PET100: variants seen among roughly 807,000 people sequenced by gnomAD.
The protein encoded by PET100 is protein PET100 homolog, mitochondrial.
In PET100, 13 loss-of-function variants were observed where a neutral mutation model predicts 13.6. The observed-to-expected ratio is 0.96, with a 90% CI of 0.62 to 1.52. PET100 has a LOEUF of 1.52. Among genes scored for constraint, PET100 ranks in the 40% most tolerant of loss-of-function variants. The probability of loss-of-function intolerance (pLI) is 0.00; values close to 1 mark genes in which losing one functional copy is unlikely to be tolerated. For missense variants in PET100, 94 were observed against 95.3 expected (o/e 0.99, Z 0.06); for synonymous variants, 28 against 30.8 (o/e 0.91, Z 0.30).
intron 3 of PET100, 78 bp from the exon 4 acceptor site, chr19:7,631,395 T>TGGGGGGTTGGGGG: frequency 3.1e-6 from 1 of 318,042 alleles, no homozygotes; most frequent in Non-Finnish European, 5.1e-6. Flanking sequence ...GTGGGAGAGG[T>TGGGGGGTTGGGGG]GGGCGGGGGG....
At chr19:7,631,376 G>T in intron 3 of PET100, 97 bp from the exon 4 acceptor site, 1 of 1,405,748 alleles carries the variant, frequency 7.1e-7, no homozygotes, top group Non-Finnish European at 9.4e-7. Flanking sequence ...CGTGGTCTGG[G>T]GCAGGGTGGT....
At position 7,631,472 on chromosome 19, in the gene PET100, G is replaced by C; in HGVS notation, c.139-1G>C. 1 of 1,535,376 alleles carries C rather than the reference G, an allele frequency of 6.5e-7. No individual in the cohort carries two copies. Among genetic ancestry groups the C allele is most frequent in the Non-Finnish European group, 8.7e-7 (1 of 1,146,522 alleles). On this transcript the variant is annotated splice_acceptor_variant, in intron 3 of 3. Coordinates refer to ENST00000594797, the MANE Select transcript of PET100 (RefSeq NM_001171155.2). LOFTEE classifies it high-confidence loss of function. ...TGTCCCACCCGCTTCTCCACCCCTA[G>C]CTTCAAGAGATAGAGGAATTCAAAG...
Position 7,631,734 on chromosome 19 carries a change from G to A in PET100, c.*178G>A. 6.9e-7 allele frequency: 1 copy of A among 1,448,086 alleles called. No homozygotes were observed. The highest frequency in any genetic ancestry group is 1.6e-5 in the South Asian group (1 of 63,822). The allele number at this position is 1,448,086 out of a possible 1,614,324, so 89.7% of individuals were successfully genotyped here. Reference sequence around the variant, plus strand: ...GCTGGGGGCTGCTGTTCCGACGGAAGCCGAGAGCGGTCGGGTCCTGAGGGG... The same window carrying A: ...GCTGGGGGCTGCTGTTCCGACGGAAACCGAGAGCGGTCGGGTCCTGAGGGG... On this transcript the variant is annotated 3_prime_UTR_variant, in exon 4 of 4. Coordinates refer to ENST00000594797, the MANE Select transcript of PET100 (RefSeq NM_001171155.2).
intron 2 of PET100, 38 bp downstream of exon 2, chr19:7,630,697 G>C: frequency 6.5e-7 from 1 of 1,531,890 alleles, no homozygotes; most frequent in Non-Finnish European, 8.8e-7. Context: ...TCATTCCAGG[G>C]GTGGGAGAGG....
rs1262840660 is a variant in PET100 at position 7,630,884 on chromosome 19, G to A, written c.138+38G>A. The A allele has an allele frequency of 5.9e-6, 9 of 1,536,956 alleles. 1 individual carries two copies. In the East Asian group the frequency reaches 1.2e-4, roughly 21 times the overall value. ...TTCTTCCTGCCAGAGGGATGGAGGA[G>A]GCTGGATTCTTGTATCCGGGATGGG... is the stretch of plus-strand genomic sequence containing the variant. On this transcript the variant is annotated intron_variant, in intron 3 of 3. Transcript: ENST00000594797.
chr19:7,629,852 A>T lies in PET100; in HGVS notation c.19A>T (p.Ile7Leu), dbSNP rs1384677978. ...AAACGAGATGGGGGTGAAGCTGGAG[A>T]TATTTCGGGTCAGTGGACACAGGAG... MGVKLEIFRMIIYLTFP... is the reference protein window; with the variant it reads MGVKLELFRMIIYLTFP... Residue 7 changes from isoleucine (I) to leucine (L), a missense_variant, in exon 1 of 4, where the codon ATA becomes TTA. By Grantham distance (5) the Ile-to-Leu change is conservative. Transcript: ENST00000594797. 1 of 1,535,102 alleles carries T rather than the reference A, an allele frequency of 6.5e-7. No individual in the cohort carries two copies. The highest frequency in any genetic ancestry group is 2.4e-5 in the East Asian group (1 of 40,884).
intron 3 of PET100, 62 bp from the exon 4 acceptor site, chr19:7,631,411 G>GGCCCCCCCCCCCCC: frequency 1.1e-6 from 1 of 886,124 alleles, no homozygotes; most frequent in Non-Finnish European, 1.7e-6. Flanking sequence ...GGGGGGGGTG[G>GGCCCCCCCCCCCCC]TCCCGGCTCT....
In PET100 at chr19:7,631,402, G is replaced by T. The variant is rs943070038; in HGVS notation, c.139-71G>T. 43 of 1,110,894 alleles carry T rather than the reference G, an allele frequency of 3.9e-5. 2 individuals carry two copies. Among genetic ancestry groups the T allele is most frequent in the South Asian group, 3.1e-4 (20 of 65,036 alleles). The allele number at this position is 1,110,894 out of a possible 1,614,324, so 68.8% of individuals were successfully genotyped here. A position where few individuals can be genotyped will look rare whatever the true frequency, so the allele number is the denominator to read the frequency against. ...GCAGGGTGGTGGGAGAGGTGGGCGG[G>T]GGGGGGTGGTCCCGGCTCTGAGGTG... On this transcript the variant is annotated intron_variant, in intron 3 of 3. Coordinates refer to ENST00000594797, the MANE Select transcript of PET100 (RefSeq NM_001171155.2).
chr19:7,631,898 A>G lies in PET100; in HGVS notation c.*342A>G. 8.2e-7 allele frequency: 1 copy of G among 1,216,560 alleles called. No homozygotes were observed. Among genetic ancestry groups the G allele is most frequent in the Non-Finnish European group, 1.1e-6 (1 of 926,626 alleles). 75.4% of individuals were successfully genotyped at this position (1,216,560 alleles called of 1,614,324 possible). A position where few individuals can be genotyped will look rare whatever the true frequency, so the allele number is the denominator to read the frequency against. ...CAATGGAGAGAGGGTGCAGGTAGCC[A>G]CCGTGTCCCACCTCATTGTGAGCAC... On this transcript the variant is annotated 3_prime_UTR_variant, in exon 4 of 4. Coordinates refer to ENST00000594797, the MANE Select transcript of PET100 (RefSeq NM_001171155.2).
intron 1 of PET100, chr19:7,630,124 C>T: frequency 2.1e-6 from 1 of 465,622 alleles, no homozygotes; most frequent in South Asian, 3.7e-5. Context: ...GAGAAGGGGG[C>T]TCTAAAGAAG....
intron 2 of PET100, 68 bp downstream of exon 2, chr19:7,630,727 T>G: frequency 6.5e-7 from 1 of 1,531,994 alleles, no homozygotes; most frequent in Non-Finnish European, 8.8e-7. Flanking sequence ...AGCAGTCTGC[T>G]GGGGACTAAT....
intron 1 of PET100, 190 bp from the exon 2 acceptor site, chr19:7,630,383 G>T: frequency 3.4e-6 from 2 of 596,208 alleles, no homozygotes; most frequent in East Asian, 2.8e-5. Context: ...CAGGAATGAG[G>T]CCTCCTGGAT....
intron 3 of PET100, 74 bp from the exon 4 acceptor site, chr19:7,631,399 C>CGGGGGGGGGGGTTGGGGGGGGG: frequency 1.7e-6 from 1 of 583,164 alleles, no homozygotes; most frequent in Non-Finnish European, 2.4e-6. Flanking sequence ...GAGAGGTGGG[C>CGGGGGGGGGGGTTGGGGGGGGG]GGGGGGGGGT....
At position 7,631,669 on chromosome 19, in the gene PET100, A is replaced by C; in HGVS notation, c.*113A>C. 1 of 1,462,546 alleles carries C rather than the reference A, an allele frequency of 6.8e-7. No homozygotes were observed. The highest frequency in any genetic ancestry group is 9.0e-7 in the Non-Finnish European group (1 of 1,106,054). 90.6% of individuals were successfully genotyped at this position (1,462,546 alleles called of 1,614,324 possible). On this transcript the variant is annotated 3_prime_UTR_variant, in exon 4 of 4. Transcript: ENST00000594797. ...TATCAGTTTTTGGGGGCCGAGTGAG[A>C]CCCAGGATGCCTCAGGCCCTCAGGG... is the stretch of plus-strand genomic sequence containing the variant.
intron 3 of PET100, chr19:7,631,238 G>T: frequency 7.1e-7 from 1 of 1,410,028 alleles, no homozygotes; most frequent in African/African-American, 1.4e-5. Context: ...TCAGCCATGA[G>T]TAAGGAACCG....
rs1477869196 is a variant in PET100, at chr19:7,629,807, C to G, written c.-27C>G. The G allele has an allele frequency of 4.6e-6, 7 of 1,536,890 alleles. No individual in the cohort carries two copies. The highest frequency in any genetic ancestry group is 1.4e-5 in the African/African-American group (1 of 73,000). ...GCTGGAGGGTCGGCTTTGGGCGGAA[C>G]TGGCTTTGTTGACCGGGAGAAACGA... On this transcript the variant is annotated 5_prime_UTR_variant, in exon 1 of 4. Transcript: ENST00000594797.
Position 7,630,558 on chromosome 19 carries a change from C to T in PET100, c.28-15C>T. 6.5e-7 allele frequency: 1 copy of T among 1,531,654 alleles called. No individual in the cohort carries two copies. The highest frequency in any genetic ancestry group is 8.8e-7 in the Non-Finnish European group (1 of 1,141,832). The allele number at this position is 1,531,654 out of a possible 1,614,324, so 94.9% of individuals were successfully genotyped here. ...CTTGGGGGGAGCTCACCTCACCCAC[C>T]CTCTGCCATTCCAGATGATAATCTA... On this transcript the variant is annotated splice_polypyrimidine_tract_variant and intron_variant, in intron 1 of 3. Coordinates refer to ENST00000594797, the MANE Select transcript of PET100 (RefSeq NM_001171155.2).
chr19:7,631,955 T>G lies in PET100; in HGVS notation c.*399T>G. 1.2e-6 allele frequency: 1 copy of G among 818,680 alleles called. No individual in the cohort carries two copies. The highest frequency in any genetic ancestry group is 1.7e-6 in the Non-Finnish European group (1 of 587,472). The allele number at this position is 818,680 out of a possible 1,614,324, so 50.7% of individuals were successfully genotyped here. On this transcript the variant is annotated 3_prime_UTR_variant, in exon 4 of 4. Coordinates refer to ENST00000594797, the MANE Select transcript of PET100 (RefSeq NM_001171155.2). ...ATGTTTACCCTCAATATCTGCCATT[T>G]AGGGTGGCATTTGAGTGTGAGGTGG...
In PET100 at chr19:7,631,661, C is replaced by G. The variant is rs1486322024; in HGVS notation, c.*105C>G. ...TATTCTTTTATCAGTTTTTGGGGGCCGAGTGAGACCCAGGATGCCTCAGGC... is the reference window on the plus strand; with the variant it reads ...TATTCTTTTATCAGTTTTTGGGGGCGGAGTGAGACCCAGGATGCCTCAGGC... On this transcript the variant is annotated 3_prime_UTR_variant, in exon 4 of 4. Transcript: ENST00000594797. 1.4e-6 allele frequency: 2 copies of G among 1,453,118 alleles called. No individual in the cohort carries two copies. The highest frequency in any genetic ancestry group is 9.1e-7 in the Non-Finnish European group (1 of 1,100,298). The allele number at this position is 1,453,118 out of a possible 1,614,324, so 90.0% of individuals were successfully genotyped here.
Sources: allele counts gnomAD v4.1 joint callset, GRCh38; gene constraint gnomAD v4.1.1; transcripts MANE v1.5; gene names NCBI Gene and HGNC (gene_info 2026-07-23, HGNC 2026-07-21).